NDST4: variants seen among roughly 807,000 people sequenced by gnomAD.
NDST4 encodes the protein N-heparan sulfate sulfotransferase 4.
NDST4 carries 63 observed loss-of-function variants against 100.8 expected under a neutral mutation model. The observed-to-expected ratio is 0.62, with a 90% CI of 0.51 to 0.77. The LOEUF is 0.77. Among genes scored for constraint, NDST4 ranks in the 30% least tolerant of loss-of-function variants. NDST4 has a pLI of 0.00. For synonymous variants in NDST4, 377 were observed against 361.8 expected (o/e 1.04, Z -0.48); for missense variants, 943 against 1,018.4 (o/e 0.93, Z 1.01).
intron 1 of NDST4, among the ~76,000 whole-genome samples, chr4:115,090,237 G>T (rs867790458): frequency 6.6e-6 from 1 of 151,636 alleles, no homozygotes; most frequent in South Asian, 2.1e-4. Context: ...AGCTATAAAG[G>T]ACCTATAAAG....
intron 3 of NDST4, among the ~76,000 whole-genome samples, chr4:114,975,620 G>C (rs991296255): frequency 1.3e-5 from 2 of 152,064 alleles, no homozygotes; most frequent in Admixed American, 1.3e-4. Flanking sequence ...GCAAATGTCA[G>C]GCACATTTAA....
intron 2 of NDST4, among the ~76,000 whole-genome samples, chr4:115,017,381 C>T (rs188122158): frequency 1.3e-4 from 20 of 152,010 alleles, no homozygotes; most frequent in African/African-American, 4.3e-4. Context: ...TTTGTTTTAT[C>T]CACCAAACAC....
intron 2 of NDST4, among the ~76,000 whole-genome samples, chr4:115,062,691 T>C (rs949433122): frequency 6.6e-6 from 1 of 151,688 alleles, no homozygotes; most frequent in Non-Finnish European, 1.5e-5. Context: ...ATACAGAGTA[T>C]GCAAACTACA....
At chr4:114,909,432 G>A (rs1016022809) in intron 6 of NDST4, among the ~76,000 whole-genome samples, 26 of 150,526 alleles carry the variant, frequency 1.7e-4, no homozygotes, top group South Asian at 4.2e-4. Context: ...AGGCCGAGGC[G>A]GGTGGATCAT....
intron 1 of NDST4, among the ~76,000 whole-genome samples, chr4:115,078,683 A>G (rs564453310): frequency 6.6e-6 from 1 of 152,014 alleles, no homozygotes. Context: ...TACTAAAAAT[A>G]CAAAAAAAAT....
chr4:114,880,201 T>C (rs1724336834), intron 6 of NDST4, among the ~76,000 whole-genome samples: 2 of 152,174 alleles, frequency 1.3e-5, no homozygotes, highest in South Asian at 4.1e-4. Flanking sequence ...AGGCAACACA[T>C]GCTCACAACC....
intron 1 of NDST4, among the ~76,000 whole-genome samples, chr4:115,083,750 T>TC (rs899492160): frequency 6.6e-6 from 1 of 151,948 alleles, no homozygotes; most frequent in East Asian, 1.9e-4. Flanking sequence ...ATAAGGAGCT[T>TC]CCCCCCTTTG....
chr4:114,892,698 G>T (rs1034874060), intron 6 of NDST4, among the ~76,000 whole-genome samples: 1 of 151,892 alleles, frequency 6.6e-6, no homozygotes, highest in African/African-American at 2.4e-5. Context: ...CTGAAATGCT[G>T]AAATGTGTCT....
intron 6 of NDST4, among the ~76,000 whole-genome samples, chr4:114,903,133 T>G (rs1724881638): frequency 6.6e-6 from 1 of 152,106 alleles, no homozygotes; most frequent in African/African-American, 2.4e-5. Context: ...TAGTATGCCT[T>G]GTATGCTTCG....
At chr4:114,850,203 G>A (rs1723642967) in intron 8 of NDST4, among the ~76,000 whole-genome samples, 1 of 152,140 alleles carries the variant, frequency 6.6e-6, no homozygotes, top group South Asian at 2.1e-4. Context: ...ATATTCTTTA[G>A]TTGTTGATTA....
intron 1 of NDST4, among the ~76,000 whole-genome samples, chr4:115,109,883 A>G (rs1560603506): frequency 6.6e-6 from 1 of 151,912 alleles, no homozygotes; most frequent in Admixed American, 6.6e-5. Context: ...GACAAACTAT[A>G]ACAATGCAAA....
intron 2 of NDST4, among the ~76,000 whole-genome samples, chr4:114,998,532 A>T (rs1727214232): frequency 6.6e-6 from 1 of 152,068 alleles, no homozygotes. Context: ...CATTGTTTTT[A>T]AAAGAAAACA....
chr4:114,969,904 G>A (rs1469444464), intron 4 of NDST4, among the ~76,000 whole-genome samples: 1 of 152,100 alleles, frequency 6.6e-6, no homozygotes, highest in Non-Finnish European at 1.5e-5. Context: ...TTTCCACAAT[G>A]GCTATACTAA....
intron 3 of NDST4, among the ~76,000 whole-genome samples, chr4:114,973,575 G>T (rs1726563754): frequency 6.6e-6 from 1 of 151,604 alleles, no homozygotes; most frequent in African/African-American, 2.4e-5. Context: ...AATAAAAAAT[G>T]TTTTAATTCA....
intron 7 of NDST4, among the ~76,000 whole-genome samples, chr4:114,859,143 G>A (rs1408168314): frequency 6.6e-6 from 1 of 152,156 alleles, no homozygotes; most frequent in Non-Finnish European, 1.5e-5. Flanking sequence ...TACTCCTTAA[G>A]TCATCTTTAT....
At chr4:114,915,945 G>A (rs1388639497) in intron 6 of NDST4, among the ~76,000 whole-genome samples, 2 of 152,014 alleles carry the variant, frequency 1.3e-5, no homozygotes, top group Non-Finnish European at 2.9e-5. Context: ...ATTCTCATTT[G>A]TTACACAGTT....
rs189827964 is a variant in NDST4, at chr4:114,860,070, T to C, written c.1720-7249A>G. Among the ~76,000 whole-genome samples the C allele has an allele frequency of 9.2e-5, 14 of 152,318 alleles. No homozygotes were observed. In the East Asian group the frequency reaches 2.7e-3, roughly 29 times the overall value. On this transcript the variant is annotated intron_variant, in intron 7 of 13. Coordinates refer to ENST00000264363, the MANE Select transcript of NDST4 (RefSeq NM_022569.3). ...GATCAGTAATGTATAATGACAACCA[T>C]ATTATGTTAGAATTTACCTTGGAAA... is the stretch of plus-strand genomic sequence containing the variant.
chr4:115,090,220 A>C (rs1729488410), intron 1 of NDST4, among the ~76,000 whole-genome samples: 1 of 151,904 alleles, frequency 6.6e-6, no homozygotes, highest in African/African-American at 2.4e-5. Flanking sequence ...TACTAGGCAC[A>C]AAACACAGCT....
At chr4:114,839,621 G>A in intron 10 of NDST4, 73 bp from the exon 11 acceptor site, 1 of 1,339,574 alleles carries the variant, frequency 7.5e-7, no homozygotes, top group Admixed American at 1.8e-5. Flanking sequence ...GTGTATGGGT[G>A]AGCACATGCA....
Sources: gnomAD v4.1 joint callset for allele counts (sites outside exome capture counted in the v4.1 genomes callset) on GRCh38, gnomAD v4.1.1 for gene constraint, MANE v1.5 for transcripts, NCBI Gene and HGNC (gene_info 2026-07-23, HGNC 2026-07-21) for gene names.